RABGAP1: variants seen among roughly 807,000 people sequenced by gnomAD.
The protein encoded by RABGAP1 is rab GTPase-activating protein 1.
Under a neutral mutation model 137.6 loss-of-function variants are expected in RABGAP1, and 23 were observed. The ratio of observed to expected loss-of-function variants is 0.17; its 90% CI spans 0.12 to 0.24. RABGAP1 has a LOEUF of 0.24. RABGAP1 is among the 10% of genes least tolerant of loss of function. The pLI is 1.00. For synonymous variants in RABGAP1, 451 were observed against 450.7 expected (o/e 1.00, Z -0.01); for missense variants, 906 against 1,275.8 (o/e 0.71, Z 4.42).
intron 13 of RABGAP1, chr9:123,029,381 G>T: frequency 8.2e-7 from 1 of 1,216,500 alleles, no homozygotes; most frequent in Non-Finnish European, 1.2e-6. Flanking sequence ...ACCTGTTCAT[G>T]CATCTTCACC....
rs1271531563 is a variant in RABGAP1 at position 122,984,433 on chromosome 9, A to G, written c.151-52A>G. On this transcript the variant is annotated intron_variant, in intron 2 of 25. Transcript: ENST00000373647. ...TTAGAATGTGAACCCATTTTAATCA[A>G]TACTGGCCAATCTTTGTCACTTTGC... 61 of 1,478,226 alleles carry G rather than the reference A, an allele frequency of 4.1e-5. 1 individual carries two copies. The highest frequency in any genetic ancestry group is 7.5e-5 in the Admixed American group (4 of 53,224). 91.6% of individuals were successfully genotyped at this position (1,478,226 alleles called of 1,614,324 possible). A position where few individuals can be genotyped will look rare whatever the true frequency, so the allele number is the denominator to read the frequency against.
intron 13 of RABGAP1, among the ~76,000 whole-genome samples, chr9:123,045,675 A>ATG (rs1039127307): frequency 1.3e-5 from 2 of 152,106 alleles, no homozygotes; most frequent in African/African-American, 4.8e-5. Flanking sequence ...GTTGCATATT[A>ATG]TGTTAATAGT....
At chr9:122,991,988 A>G (rs950840502) in intron 6 of RABGAP1, among the ~76,000 whole-genome samples, 1 of 152,022 alleles carries the variant, frequency 6.6e-6, no homozygotes, top group African/African-American at 2.4e-5. Flanking sequence ...AATCTGTATA[A>G]TTTTAAGTAG....
chr9:122,986,230 G>T lies in RABGAP1; in HGVS notation c.401G>T (p.Ser134Ile). 1 of 1,613,916 alleles carries T rather than the reference G, an allele frequency of 6.2e-7. No individual in the cohort carries two copies. The highest frequency in any genetic ancestry group is 8.5e-7 in the Non-Finnish European group (1 of 1,179,838). Residue 134 changes from serine to isoleucine, a missense_variant, in exon 4 of 26, where the codon AGT becomes ATT. By Grantham distance (142) the Ser-to-Ile change is moderately radical (BLOSUM62 -2). Around this residue, in one of 9 missense-constraint regions of RABGAP1, gnomAD observed 331 missense variants for 358.3 expected, o/e 0.92. Coordinates refer to ENST00000373647, the MANE Select transcript of RABGAP1 (RefSeq NM_012197.4). The stretch of plus-strand genomic sequence containing the variant: ...TTTCTTTCAGATTCTGAAGCTTCAA[G>T]TCCTTTCACACCAGTGGCCGATGAG... ...KPGQGDSEASSPFTPVADEDS... is the reference protein window; with the variant it reads ...KPGQGDSEASIPFTPVADEDS...
the RABGAP1 span, among the ~76,000 whole-genome samples, chr9:122,932,954 G>T: frequency 6.6e-6 from 1 of 152,196 alleles, no homozygotes; most frequent in African/African-American, 2.4e-5. Context: ...AAGATACTTT[G>T]TATGATATCT....
chr9:122,997,027 A>G, intron 8 of RABGAP1: 1 of 593,768 alleles, frequency 1.7e-6, no homozygotes, highest in Non-Finnish European at 3.1e-6. Flanking sequence ...TAGGTTGTGG[A>G]TTTTCTTAAT....
intron 13 of RABGAP1, among the ~76,000 whole-genome samples, chr9:123,030,865 TTG>T (rs567972346): frequency 1.5e-3 from 225 of 152,302 alleles, no homozygotes; most frequent in African/African-American, 4.7e-3. Context: ...TGTTAATAAA[TTG>T]TGTCTTTTGA....
chr9:122,940,625 G>A (rs1056181363), upstream of RABGAP1, among the ~76,000 whole-genome samples: 1 of 152,170 alleles, frequency 6.6e-6, no homozygotes, highest in African/African-American at 2.4e-5. Flanking sequence ...TTTTCAAACA[G>A]GACTTGCACA....
chr9:123,077,610 CATTGTATTGTATTGT>C (rs71508192), intron 19 of RABGAP1, among the ~76,000 whole-genome samples: 18,352 of 91,284 alleles, frequency 0.2, 1,693 homozygotes, highest in African/African-American at 0.26. Context: ...GTTATCATAA[CATTGTATTGTATTGT>C]ATTGTATTGT....
At chr9:123,079,780 G>A (rs1020163764) in intron 19 of RABGAP1, among the ~76,000 whole-genome samples, 1 of 151,702 alleles carries the variant, frequency 6.6e-6, no homozygotes, top group Non-Finnish European at 1.5e-5. Context: ...TCCAGTCTTC[G>A]GCTCATATAT....
chr9:123,047,757 G>C (rs1258959163), intron 13 of RABGAP1, among the ~76,000 whole-genome samples: 1 of 151,936 alleles, frequency 6.6e-6, no homozygotes, highest in East Asian at 1.9e-4. Context: ...TGTAGCCTTT[G>C]AATATGGGTG....
At chr9:123,026,370 T>C (rs577369618) in intron 13 of RABGAP1, among the ~76,000 whole-genome samples, 1 of 152,338 alleles carries the variant, frequency 6.6e-6, no homozygotes, top group Non-Finnish European at 1.5e-5. Flanking sequence ...ATCCCTGCTT[T>C]GGATTTTTTA....
chr9:122,963,992 A>C (rs1432149678), intron 2 of RABGAP1, among the ~76,000 whole-genome samples: 1 of 152,188 alleles, frequency 6.6e-6, no homozygotes, highest in Non-Finnish European at 1.5e-5. Flanking sequence ...ATTTAGATGA[A>C]ATGGACAAAT....
At chr9:122,960,044 A>C (rs1244676281) in intron 2 of RABGAP1, among the ~76,000 whole-genome samples, 3 of 152,248 alleles carry the variant, frequency 2.0e-5, no homozygotes, top group Non-Finnish European at 2.9e-5. Flanking sequence ...AGAGTATAGA[A>C]AAGTTTAAGC....
At chr9:123,075,135 TAA>T (rs1355074172) in intron 17 of RABGAP1, among the ~76,000 whole-genome samples, 1 of 152,066 alleles carries the variant, frequency 6.6e-6, no homozygotes, top group Non-Finnish European at 1.5e-5. Flanking sequence ...AAAATATAAG[TAA>T]AAATAATTTA....
chr9:122,984,564 C>G lies in RABGAP1; in HGVS notation c.230C>G (p.Pro77Arg). The G allele has an allele frequency of 6.2e-7, 1 of 1,614,078 alleles. No individual in the cohort carries two copies. ...VLMDPPMDDQ[P>R]GEKELVKRSQ... The stretch of plus-strand genomic sequence containing the variant: ...ATGGATCCTCCAATGGACGACCAGC[C>G]AGGGGAAAAGGAGCTTGTGAAAAGG... Residue 77 changes from proline (P) to arginine (R), a missense_variant, in exon 3 of 26, where the codon CCA becomes CGA. Pro to Arg is a moderately radical substitution (Grantham distance 103). This residue lies in a region of RABGAP1 where 331 missense variants were observed against 358.3 expected (regional missense o/e 0.92). Transcript: ENST00000373647.
At chr9:123,029,317 A>ATTT in intron 13 of RABGAP1, 6 of 547,542 alleles carry the variant, frequency 1.1e-5, no homozygotes, top group East Asian at 3.3e-5. Context: ...TTTAAAGCTC[A>ATTT]TTTTTTTTTT....
chr9:123,074,178 C>T, intron 16 of RABGAP1, 107 bp from the exon 17 acceptor site: 1 of 1,346,708 alleles, frequency 7.4e-7, no homozygotes, highest in Non-Finnish European at 1.0e-6. Flanking sequence ...TTTAGAAAAA[C>T]ACAAGTATTT....
At chr9:123,073,531 C>A in intron 15 of RABGAP1, 21 bp from the exon 16 acceptor site, 1 of 1,603,524 alleles carries the variant, frequency 6.2e-7, no homozygotes, top group Non-Finnish European at 8.5e-7. Flanking sequence ...CCCTACCCAA[C>A]AACTTGCCTA....
Sources: gnomAD v4.1 joint callset for allele counts (sites outside exome capture counted in the v4.1 genomes callset) on GRCh38, gnomAD v4.1.1 for gene constraint, gnomAD v4.1.1 regional missense constraint, MANE v1.5 for transcripts, NCBI Gene and HGNC (gene_info 2026-07-23, HGNC 2026-07-21) for gene names.